LIPT1: variants seen among roughly 807,000 people sequenced by gnomAD.
LIPT1 encodes the protein lipoyltransferase 1.
In LIPT1, 22 loss-of-function variants were observed where a neutral mutation model predicts 25.1. The observed-to-expected ratio is 0.88, with a 90% CI of 0.63 to 1.25. The LOEUF is 1.25. Ranked by LOEUF, LIPT1 falls within the 50% of genes most tolerant of loss-of-function variation. The probability of loss-of-function intolerance (pLI) is 0.00; values close to 1 mark genes in which losing one functional copy is unlikely to be tolerated. For synonymous variants in LIPT1, 131 were observed against 150.8 expected (o/e 0.87, Z 0.96); for missense variants, 399 against 432.8 (o/e 0.92, Z 0.69).
chr2:99,155,103 G>A (rs1353774773), intron 1 of LIPT1, 52 bp downstream of exon 1: 2 of 453,274 alleles, frequency 4.4e-6, no homozygotes, highest in Non-Finnish European at 4.4e-6. Context: ...CGTAGCGCGT[G>A]GGCGGCCGTG....
Position 99,162,933 on chromosome 2 carries a change from A to G in LIPT1, c.976A>G (p.Lys326Glu), listed in dbSNP as rs2093808760. 7.4e-6 allele frequency: 12 copies of G among 1,613,804 alleles called. No individual in the cohort carries two copies. The highest frequency in any genetic ancestry group is 1.0e-5 in the Non-Finnish European group (12 of 1,179,932). The change falls in exon 2 of 2, where the codon AAA (lysine) becomes GAA (glutamate). Residue 326 changes from lysine to glutamate, a missense_variant. Lys to Glu is a moderately conservative substitution (Grantham distance 56). Transcript: ENST00000651691. The part of the protein sequence containing the change: ...DHWLPLEIRD[K>E]LNSSLIGSKF... ...TTGGTTGCCATTGGAAATACGTGAC[A>G]AATTAAATTCAAGTCTTATTGGCAG...
In LIPT1 at chr2:99,158,477, G is replaced by C. The variant is rs191212605; in HGVS notation, c.-2+3426G>C. Among the ~76,000 whole-genome samples the C allele has an allele frequency of 2.2e-3, 335 of 151,770 alleles. 1 individual carries two copies. Among genetic ancestry groups the C allele is most frequent in the African/African-American group, 7.1e-3 (295 of 41,364 alleles). On this transcript the variant is annotated intron_variant, in intron 1 of 1. Coordinates refer to ENST00000651691, the MANE Select transcript of LIPT1 (RefSeq NM_145199.3). ...TAGCCAGGCGTGGTGGCACATGCTG[G>C]CTAAAGGGGGAGGATTGCTTGAGCC...
chr2:99,159,619 C>T (rs561043148), intron 1 of LIPT1, among the ~76,000 whole-genome samples: 2 of 152,312 alleles, frequency 1.3e-5, no homozygotes, highest in South Asian at 4.1e-4. Flanking sequence ...TATTTTGGTT[C>T]ATTACATGAA....
chr2:99,162,760 C>G lies in LIPT1; in HGVS notation c.803C>G (p.Thr268Ser), dbSNP rs2093806678. The change falls in exon 2 of 2, where the codon ACT becomes AGT. Residue 268 changes from threonine (T) to serine (S), a missense_variant. Coordinates refer to ENST00000651691, the MANE Select transcript of LIPT1 (RefSeq NM_145199.3). ...AATAGCAAAGCCAAAGAACTGCAAA[C>G]TTGGGAGTGGATATATGGCAAAACT... Reference protein sequence around the residue: ...GINSKAKELQTWEWIYGKTPK... With the variant: ...GINSKAKELQSWEWIYGKTPK... 2.5e-6 allele frequency: 4 copies of G among 1,614,122 alleles called. No individual in the cohort carries two copies. The highest frequency in any genetic ancestry group is 3.4e-6 in the Non-Finnish European group (4 of 1,179,984).
Position 99,162,117 on chromosome 2 carries a change from C to T in LIPT1, c.160C>T (p.His54Tyr). The change falls in exon 2 of 2, where the codon CAT becomes TAT. Residue 54 changes from histidine (H) to tyrosine (Y), a missense_variant. His to Tyr is a moderately conservative substitution (Grantham distance 83). Coordinates refer to ENST00000651691, the MANE Select transcript of LIPT1 (RefSeq NM_145199.3). ...NLAVEDWIHD[H>Y]MNLEGKPILF... The stretch of plus-strand genomic sequence containing the variant: ...GGCTGTGGAAGACTGGATCCATGAC[C>T]ATATGAATCTAGAAGGCAAACCAAT... The T allele has an allele frequency of 6.2e-7, 1 of 1,614,016 alleles. No homozygotes were observed. The highest frequency in any genetic ancestry group is 8.5e-7 in the Non-Finnish European group (1 of 1,179,952).
At position 99,162,901 on chromosome 2, in the gene LIPT1, C is replaced by G; in HGVS notation, c.944C>G (p.Pro315Arg). The G allele has an allele frequency of 1.2e-6, 2 of 1,613,160 alleles. No individual in the cohort carries two copies. Among genetic ancestry groups the G allele is most frequent in the Non-Finnish European group, 1.7e-6 (2 of 1,179,626 alleles). Residue 315 changes from proline (P) to arginine (R), a missense_variant, in exon 2 of 2, where the codon CCT becomes CGT. By Grantham distance (103) the Pro-to-Arg change is moderately radical (BLOSUM62 -2). Transcript: ENST00000651691. ...GRIEICNIEA[P>R]DHWLPLEIRD... Reference sequence around the variant, plus strand: ...ATTGAAATTTGTAATATTGAAGCACCTGATCATTGGTTGCCATTGGAAATA... The same window carrying G: ...ATTGAAATTTGTAATATTGAAGCACGTGATCATTGGTTGCCATTGGAAATA...
intron 1 of LIPT1, among the ~76,000 whole-genome samples, chr2:99,158,948 A>C (rs1362185135): frequency 6.6e-6 from 1 of 151,586 alleles, no homozygotes; most frequent in Non-Finnish European, 1.5e-5. Flanking sequence ...TTTTTCTTTT[A>C]GACGGAGTCT....
Position 99,162,557 on chromosome 2 carries a change from C to G in LIPT1, c.600C>G (p.Ile200Met). The G allele has an allele frequency of 6.2e-7, 1 of 1,614,140 alleles. No individual in the cohort carries two copies. The highest frequency in any genetic ancestry group is 1.1e-5 in the South Asian group (1 of 91,086). The change falls in exon 2 of 2, where the codon ATC (isoleucine) becomes ATG (methionine). Residue 200 changes from isoleucine to methionine, a missense_variant. Transcript: ENST00000651691. The stretch of plus-strand genomic sequence containing the variant: ...TGCTAAAGAGCCCTTACCAAGGGAT[C>G]AGGAGCAATGCCACTGCTAGCATAC... Reference protein sequence around the residue: ...SSLLKSPYQGIRSNATASIPS... With the variant: ...SSLLKSPYQGMRSNATASIPS...
At chr2:99,161,035 G>A (rs550948213) in intron 1 of LIPT1, among the ~76,000 whole-genome samples, 6 of 151,340 alleles carry the variant, frequency 4.0e-5, no homozygotes, top group South Asian at 4.2e-4. Context: ...AGGCTGAGGC[G>A]GGCAGATCAC....
In LIPT1 at chr2:99,162,720, CTG is replaced by C. The variant is rs774048000; in HGVS notation, c.765_766del (p.Phe256SerfsTer5). The C allele has an allele frequency of 1.4e-5, 22 of 1,614,150 alleles. No homozygotes were observed. The highest frequency in any genetic ancestry group is 1.7e-5 in the Non-Finnish European group (20 of 1,180,024). On this transcript the variant is annotated frameshift_variant, in exon 2 of 2. Transcript: ENST00000651691. LOFTEE classifies it high-confidence loss of function. ...IHLINPTDET[L>X]FPGINSKAKE... Reference sequence around the variant, plus strand: ...CCTAATAAACCCAACGGATGAGACACTGTTTCCTGGAATAAATAGCAAAGCCA... The same window carrying C: ...CCTAATAAACCCAACGGATGAGACACTTTCCTGGAATAAATAGCAAAGCCA...
chr2:99,162,013 T>C lies in LIPT1; in HGVS notation c.56T>C (p.Val19Ala). ...NCFQLLCNCQVPAAGFKKTVK... is the reference protein window; with the variant it reads ...NCFQLLCNCQAPAAGFKKTVK... The stretch of plus-strand genomic sequence containing the variant: ...TTCCAGTTACTTTGTAACTGCCAGG[T>C]CCCAGCAGCTGGCTTTAAAAAAACA... Residue 19 changes from valine (V) to alanine (A), a missense_variant, in exon 2 of 2, where the codon GTC becomes GCC. Val to Ala is a moderately conservative substitution (Grantham distance 64, BLOSUM62 0). Transcript: ENST00000651691. 1 of 1,613,848 alleles carries C rather than the reference T, an allele frequency of 6.2e-7. No individual in the cohort carries two copies. The highest frequency in any genetic ancestry group is 8.5e-7 in the Non-Finnish European group (1 of 1,179,806).
In LIPT1 at chr2:99,162,819, T is replaced by G. The variant is rs746903699; in HGVS notation, c.862T>G (p.Leu288Val). 6.2e-7 allele frequency: 1 copy of G among 1,613,996 alleles called. No homozygotes were observed. The highest frequency in any genetic ancestry group is 1.1e-5 in the South Asian group (1 of 91,082). ...KFSINTSFHV[L>V]YEQSHLEIKV... ...TAGTATAAATACTTCCTTTCATGTG[T>G]TATATGAACAGTCACACTTGGAAAT... Residue 288 changes from leucine to valine, a missense_variant, in exon 2 of 2, where the codon TTA becomes GTA. Transcript: ENST00000651691.
chr2:99,161,871 A>C (rs994028216), intron 1 of LIPT1, 86 bp from the exon 2 acceptor site: 1 of 1,244,462 alleles, frequency 8.0e-7, no homozygotes, highest in African/African-American at 1.5e-5. Flanking sequence ...AGTTTGGATT[A>C]AATAACCGAT....
chr2:99,160,684 A>G (rs1211212764), intron 1 of LIPT1, among the ~76,000 whole-genome samples: 1 of 152,220 alleles, frequency 6.6e-6, no homozygotes, highest in Non-Finnish European at 1.5e-5. Flanking sequence ...GCCTTTGTAT[A>G]TAAACCTGCA....
chr2:99,162,020 A>C lies in LIPT1; in HGVS notation c.63A>C (p.Ala21=). 1 of 1,614,072 alleles carries C rather than the reference A, an allele frequency of 6.2e-7. No homozygotes were observed. Among genetic ancestry groups the C allele is most frequent in the Non-Finnish European group, 8.5e-7 (1 of 1,179,940 alleles). Residue 21 remains alanine, a synonymous_variant, in exon 2 of 2, where the codon GCA becomes GCC. Transcript: ENST00000651691. ...FQLLCNCQVP[A]AGFKKTVKNG... ...TACTTTGTAACTGCCAGGTCCCAGC[A>C]GCTGGCTTTAAAAAAACAGTAAAAA...
chr2:99,158,325 C>G (rs969568776), intron 1 of LIPT1, among the ~76,000 whole-genome samples: 5 of 151,450 alleles, frequency 3.3e-5, no homozygotes, highest in Non-Finnish European at 5.9e-5. Flanking sequence ...AAATCCAAAG[C>G]CTTCATGCCT....
chr2:99,155,080 G>C (rs1416382032), intron 1 of LIPT1, 29 bp downstream of exon 1: 1 of 454,928 alleles, frequency 2.2e-6, no homozygotes, highest in Admixed American at 2.4e-5. Flanking sequence ...CTTCAAACCG[G>C]GATGTTGCGG....
chr2:99,159,037 T>C (rs1164699770), intron 1 of LIPT1, among the ~76,000 whole-genome samples: 2 of 152,206 alleles, frequency 1.3e-5, no homozygotes, highest in African/African-American at 2.4e-5. Context: ...CACACCACTC[T>C]TCTGCCTCAG....
chr2:99,157,998 T>C (rs1335814530), intron 1 of LIPT1, among the ~76,000 whole-genome samples: 1 of 152,248 alleles, frequency 6.6e-6, no homozygotes, highest in Non-Finnish European at 1.5e-5. Context: ...GTGTACTTTC[T>C]TCAGTGCCAG....
Sources: gnomAD v4.1 joint callset for allele counts (sites outside exome capture counted in the v4.1 genomes callset) on GRCh38, gnomAD v4.1.1 for gene constraint, MANE v1.5 for transcripts, NCBI Gene and HGNC (gene_info 2026-07-23, HGNC 2026-07-21) for gene names.